Variants in SIPA1L3 observed in about 807,000 individuals in gnomAD.
The protein encoded by SIPA1L3 is signal-induced proliferation-associated 1-like protein 3.
SIPA1L3 carries 59 observed loss-of-function variants against 150.1 expected under a neutral mutation model. The observed-to-expected ratio is 0.39, with a 90% CI of 0.32 to 0.49. The LOEUF is 0.49. Ranked by LOEUF, SIPA1L3 falls within the 20% of genes least tolerant of loss-of-function variation. SIPA1L3 has a pLI of 0.86. For missense variants in SIPA1L3, 2,211 were observed against 2,489.5 expected (o/e 0.89, Z 2.38); for synonymous variants, 1,070 against 1,077.6 (o/e 0.99, Z 0.14).
chr19:38,116,086 A>G (rs1970874976), intron 8 of SIPA1L3, among the ~76,000 whole-genome samples: 1 of 152,148 alleles, frequency 6.6e-6, no homozygotes, highest in Admixed American at 6.6e-5. Context: ...AAATTATCCT[A>G]CAGATGGAAG....
At chr19:37,992,496 C>T (rs897780908) in intron 1 of SIPA1L3, among the ~76,000 whole-genome samples, 11 of 149,280 alleles carry the variant, frequency 7.4e-5, no homozygotes, top group Non-Finnish European at 1.6e-4. Flanking sequence ...ATTAAAAATA[C>T]AAAAATTTTC....
intron 2 of SIPA1L3, among the ~76,000 whole-genome samples, chr19:38,052,298 GTT>G (rs1322507364): frequency 2.0e-5 from 3 of 152,222 alleles, no homozygotes; most frequent in Non-Finnish European, 4.4e-5. Flanking sequence ...AGGGAATTTG[GTT>G]AAAAAAGTTG....
At chr19:38,202,385 C>T (rs1489540980) in intron 20 of SIPA1L3, among the ~76,000 whole-genome samples, 1 of 152,034 alleles carries the variant, frequency 6.6e-6, no homozygotes, top group Non-Finnish European at 1.5e-5. Context: ...GTCAGGAGTT[C>T]AAGACCAGCC....
chr19:38,129,540 G>C (rs1392850205), intron 9 of SIPA1L3, among the ~76,000 whole-genome samples: 4 of 150,844 alleles, frequency 2.7e-5, no homozygotes, highest in African/African-American at 9.8e-5. Context: ...CAGGATACTT[G>C]CTTGAACCCG....
intron 15 of SIPA1L3, among the ~76,000 whole-genome samples, chr19:38,169,850 G>C (rs1972287996): frequency 6.6e-6 from 1 of 152,140 alleles, no homozygotes; most frequent in Non-Finnish European, 1.5e-5. Context: ...GAGGGGTCAG[G>C]GTCAGGGTGG....
intron 13 of SIPA1L3, among the ~76,000 whole-genome samples, chr19:38,158,055 A>G (rs183925140): frequency 1.3e-5 from 2 of 152,290 alleles, no homozygotes; most frequent in Non-Finnish European, 2.9e-5. Context: ...AGCCTGGCCA[A>G]CATGGTGAAA....
intron 9 of SIPA1L3, among the ~76,000 whole-genome samples, chr19:38,123,018 G>A (rs1033932526): frequency 6.6e-6 from 1 of 152,222 alleles, no homozygotes; most frequent in Non-Finnish European, 1.5e-5. Flanking sequence ...CTGGTGCACA[G>A]TAGCCGCTGA....
chr19:38,119,765 T>A lies in SIPA1L3; in HGVS notation c.2751T>A (p.Ile917=). 1 of 1,614,020 alleles carries A rather than the reference T, an allele frequency of 6.2e-7. No homozygotes were observed. The highest frequency in any genetic ancestry group is 8.5e-7 in the Non-Finnish European group (1 of 1,180,026). The change falls in exon 9 of 22, where the codon ATT becomes ATA. Residue 917 remains isoleucine (I), a synonymous_variant. Coordinates refer to ENST00000222345, the MANE Select transcript of SIPA1L3 (RefSeq NM_015073.3). The stretch of plus-strand genomic sequence containing the variant: ...TCAACTGCTACTGCGGGGATGTCAT[T>A]GGCTGGACTCCAGACTCCTCCACAC... ...VVFNCYCGDV[I]GWTPDSSTLK...
Position 37,961,354 on chromosome 19 carries a change from A to G in SIPA1L3, c.-379+53996A>G, listed in dbSNP as rs1364384221. On this transcript the variant is annotated intron_variant, in intron 1 of 21. Coordinates refer to ENST00000222345, the MANE Select transcript of SIPA1L3 (RefSeq NM_015073.3). ...TTTTTGAAGGATAGTTTTGCTGGCT[A>G]TAGAATTCTTATTTGACAGTTTTTT... is the stretch of plus-strand genomic sequence containing the variant. 3.3e-5 allele frequency among the ~76,000 whole-genome samples: 5 copies of G among 152,050 alleles called. 1 individual carries two copies. Among genetic ancestry groups the G allele is most frequent in the Middle Eastern group, 6.8e-3 (2 of 294 alleles).
intron 2 of SIPA1L3, 143 bp downstream of exon 2, chr19:38,029,299 T>C (rs759256647): frequency 6.6e-6 from 1 of 152,222 alleles, no homozygotes; most frequent in Non-Finnish European, 1.5e-5. Flanking sequence ...GCCTAACGTC[T>C]ACCCCAGAGG....
At chr19:38,064,729 C>T (rs1405582440) in intron 2 of SIPA1L3, among the ~76,000 whole-genome samples, 3 of 152,274 alleles carry the variant, frequency 2.0e-5, no homozygotes, top group Non-Finnish European at 4.4e-5. Context: ...TGATAATAGC[C>T]AATTCTCGTT....
chr19:38,087,497 G>A (rs1002560009), intron 3 of SIPA1L3, among the ~76,000 whole-genome samples: 3 of 152,160 alleles, frequency 2.0e-5, no homozygotes, highest in Non-Finnish European at 4.4e-5. Context: ...TACAATTTCC[G>A]GTGGTGGGTA....
intron 15 of SIPA1L3, among the ~76,000 whole-genome samples, chr19:38,169,924 A>C (rs1370110625): frequency 6.6e-6 from 1 of 150,932 alleles, no homozygotes; most frequent in Non-Finnish European, 1.5e-5. Flanking sequence ...TCAGGGTAAG[A>C]TGAGGGGCCC....
intron 1 of SIPA1L3, among the ~76,000 whole-genome samples, chr19:37,921,938 T>C (rs892458031): frequency 1.3e-5 from 2 of 152,092 alleles, no homozygotes; most frequent in African/African-American, 4.8e-5. Flanking sequence ...GCAGTTCTTT[T>C]AGTAGAGAGG....
intron 1 of SIPA1L3, among the ~76,000 whole-genome samples, chr19:37,971,710 G>A (rs772584705): frequency 1.5e-4 from 23 of 152,148 alleles, no homozygotes; most frequent in East Asian, 1.4e-3. Flanking sequence ...GATTACAGGC[G>A]TGTGACACCA....
In SIPA1L3 at chr19:38,082,007, G is replaced by T. The variant is rs138476311; in HGVS notation, c.442G>T (p.Asp148Tyr). The T allele has an allele frequency of 2.2e-4, 349 of 1,614,208 alleles. No homozygotes were observed. Among genetic ancestry groups the T allele is most frequent in the African/African-American group, 1.2e-3 (93 of 75,068 alleles). Residue 148 changes from aspartate (D) to tyrosine (Y), a missense_variant, in exon 3 of 22, where the codon GAC becomes TAC. Around this residue, in one of 5 missense-constraint regions of SIPA1L3, gnomAD observed 587 missense variants for 534.5 expected, o/e 1.10. Transcript: ENST00000222345. ...FHRLSRRRSK[D>Y]VEFQDGWPRS... ...CCGACTCTCCAGGAGAAGGTCCAAA[G>T]ACGTGGAGTTCCAGGACGGGTGGCC...
chr19:37,966,528 C>T (rs1017445254), intron 1 of SIPA1L3, among the ~76,000 whole-genome samples: 11 of 151,868 alleles, frequency 7.2e-5, no homozygotes, highest in South Asian at 2.1e-4. Context: ...TGACTCCTGC[C>T]GTGCCCACCT....
chr19:38,141,295 C>G lies in SIPA1L3; in HGVS notation c.3255C>G (p.Ser1085Arg). 1.2e-6 allele frequency: 2 copies of G among 1,613,932 alleles called. No individual in the cohort carries two copies. The highest frequency in any genetic ancestry group is 1.7e-6 in the Non-Finnish European group (2 of 1,179,950). Residue 1085 changes from serine (S) to arginine (R), a missense_variant, in exon 11 of 22, where the codon AGC (serine) becomes AGG (arginine). Coordinates refer to ENST00000222345, the MANE Select transcript of SIPA1L3 (RefSeq NM_015073.3). ...PYRSNAPWQWSGPASHNSLPA... is the reference protein window; with the variant it reads ...PYRSNAPWQWRGPASHNSLPA... ...GCAGCAATGCTCCCTGGCAGTGGAG[C>G]GGGCCCGCATCCCATAACTCTCTAC...
At chr19:38,182,768 C>T (rs1368514054) in intron 16 of SIPA1L3, 28 bp downstream of exon 16, 1 of 1,562,802 alleles carries the variant, frequency 6.4e-7, no homozygotes, top group East Asian at 2.3e-5. Context: ...CAGCGAGGCG[C>T]CCGCCAGATC....
Sources: allele counts gnomAD v4.1 joint callset (sites outside exome capture counted in the v4.1 genomes callset), GRCh38; gene constraint gnomAD v4.1.1; regional missense constraint gnomAD v4.1.1; transcripts MANE v1.5; gene names NCBI Gene and HGNC (gene_info 2026-07-23, HGNC 2026-07-21).